Variants in PTPRT observed in about 807,000 individuals in gnomAD.
PTPRT encodes protein tyrosine phosphatase receptor type T.
Under a neutral mutation model 176.8 loss-of-function variants are expected in PTPRT, and 56 were observed. The ratio of observed to expected loss-of-function variants is 0.32; its 90% CI spans 0.26 to 0.40. PTPRT has a LOEUF of 0.40. Among genes scored for constraint, PTPRT ranks in the 10% least tolerant of loss-of-function variants. PTPRT has a pLI of 1.00. For synonymous variants in PTPRT, 783 were observed against 739.0 expected (o/e 1.06, Z -0.96); for missense variants, 1,540 against 1,908.2 (o/e 0.81, Z 3.60).
At chr20:43,091,252 C>A (rs988707883) in intron 1 of PTPRT, among the ~76,000 whole-genome samples, 1 of 152,090 alleles carries the variant, frequency 6.6e-6, no homozygotes, top group South Asian at 2.1e-4. Context: ...ACCCTGAAAT[C>A]TTCCAATGTA....
intron 7 of PTPRT, among the ~76,000 whole-genome samples, chr20:42,590,667 C>G (rs1013030): frequency 0.19 from 28,663 of 151,970 alleles, 3,305 homozygotes; most frequent in Non-Finnish European, 0.27. Context: ...TTAATTGAGT[C>G]TTCAGAAGGA....
chr20:42,799,818 G>T (rs1057017743), intron 2 of PTPRT, among the ~76,000 whole-genome samples: 8 of 152,114 alleles, frequency 5.3e-5, no homozygotes, highest in Non-Finnish European at 8.8e-5. Flanking sequence ...TACAGGTAGA[G>T]GTTTTAAAGT....
At chr20:42,850,355 C>A (rs1334004935) in intron 2 of PTPRT, among the ~76,000 whole-genome samples, 1 of 152,182 alleles carries the variant, frequency 6.6e-6, no homozygotes, top group African/African-American at 2.4e-5. Flanking sequence ...TCTTCTGAAG[C>A]CCTCCAATTA....
In PTPRT at chr20:42,077,960, CT is replaced by C; in HGVS notation, c.*2918del. ...AAATCTTAGGATTTGTGTTAAATAG[CT>C]CTCCCTCCACCCTCATCCTGTCTGG... On this transcript the variant is annotated 3_prime_UTR_variant, in exon 31 of 31. Coordinates refer to ENST00000373187, the MANE Select transcript of PTPRT (RefSeq NM_007050.6). 5.1e-6 allele frequency: 1 copy of C among 197,390 alleles called. No homozygotes were observed. The highest frequency in any genetic ancestry group is 1.1e-5 in the Non-Finnish European group (1 of 95,210). The allele number at this position is 197,390 out of a possible 1,614,324, so 12.2% of individuals were successfully genotyped here. A position where few individuals can be genotyped will look rare whatever the true frequency, so the allele number is the denominator to read the frequency against.
chr20:42,645,559 A>G (rs1180033051), intron 7 of PTPRT, among the ~76,000 whole-genome samples: 2 of 152,108 alleles, frequency 1.3e-5, no homozygotes, highest in Non-Finnish European at 2.9e-5. Context: ...AGGGAACCCA[A>G]CATAACACAT....
At chr20:42,405,820 G>A (rs2058955935) in intron 9 of PTPRT, among the ~76,000 whole-genome samples, 1 of 152,158 alleles carries the variant, frequency 6.6e-6, no homozygotes, top group African/African-American at 2.4e-5. Flanking sequence ...CAGTGTAAAA[G>A]TGTTCCTATT....
intron 17 of PTPRT, among the ~76,000 whole-genome samples, chr20:42,145,508 A>AGAT (rs1202478196): frequency 1.3e-4 from 20 of 149,220 alleles, no homozygotes; most frequent in African/African-American, 3.9e-4. Flanking sequence ...ATAGATAGAT[A>AGAT]GATAGATAGA....
chr20:42,490,217 AT>A (rs1206110032), intron 7 of PTPRT, among the ~76,000 whole-genome samples: 2 of 152,030 alleles, frequency 1.3e-5, no homozygotes, highest in East Asian at 1.9e-4. Context: ...GACTACTATG[AT>A]TTTTCCCCTC....
chr20:42,857,113 G>A (rs1350795957), intron 2 of PTPRT, among the ~76,000 whole-genome samples: 1 of 152,176 alleles, frequency 6.6e-6, no homozygotes, highest in African/African-American at 2.4e-5. Flanking sequence ...ATTCCCATCG[G>A]CAATGTACAA....
chr20:42,551,399 A>G (rs949605544), intron 7 of PTPRT, among the ~76,000 whole-genome samples: 2 of 152,198 alleles, frequency 1.3e-5, no homozygotes, highest in African/African-American at 2.4e-5. Flanking sequence ...ACAAATTTCA[A>G]TAATTATCTT....
At chr20:42,139,559 G>T (rs893902283) in intron 18 of PTPRT, among the ~76,000 whole-genome samples, 1 of 152,200 alleles carries the variant, frequency 6.6e-6, no homozygotes, top group Non-Finnish European at 1.5e-5. Flanking sequence ...AGAAGCTGGG[G>T]TATTTCATGG....
chr20:42,357,354 T>C (rs2058372044), intron 9 of PTPRT, among the ~76,000 whole-genome samples: 1 of 152,238 alleles, frequency 6.6e-6, no homozygotes, highest in African/African-American at 2.4e-5. Context: ...ACCTCTGTAC[T>C]AGACTTTAAG....
intron 7 of PTPRT, among the ~76,000 whole-genome samples, chr20:42,673,768 T>G (rs571745611): frequency 3.9e-5 from 6 of 152,294 alleles, no homozygotes; most frequent in African/African-American, 1.2e-4. Context: ...AACATATGAA[T>G]TTTAAAGGAA....
chr20:43,172,675 C>T (rs1184030240), intron 1 of PTPRT, among the ~76,000 whole-genome samples: 1 of 152,156 alleles, frequency 6.6e-6, no homozygotes, highest in East Asian at 1.9e-4. Flanking sequence ...TGGCTCCTTG[C>T]TAAGCATTTG....
chr20:42,401,366 C>T (rs570441102), intron 9 of PTPRT, among the ~76,000 whole-genome samples: 9 of 151,862 alleles, frequency 5.9e-5, no homozygotes, highest in Non-Finnish European at 7.4e-5. Context: ...GCAGGGGTTA[C>T]GGAGTTAGGT....
chr20:43,084,523 G>A (rs1440717210), intron 1 of PTPRT, among the ~76,000 whole-genome samples: 1 of 152,110 alleles, frequency 6.6e-6, no homozygotes, highest in African/African-American at 2.4e-5. Context: ...GAACAGCATG[G>A]GGGAAACCGC....
intron 13 of PTPRT, 85 bp downstream of exon 13, chr20:42,282,404 T>G: frequency 1.5e-6 from 2 of 1,350,334 alleles, no homozygotes; most frequent in Non-Finnish European, 1.0e-6. Context: ...GAGTTACTGT[T>G]GCCTAATCTT....
chr20:42,516,259 A>G (rs1418718348), intron 7 of PTPRT, among the ~76,000 whole-genome samples: 1 of 151,734 alleles, frequency 6.6e-6, no homozygotes, highest in Non-Finnish European at 1.5e-5. Context: ...TATAATAAAA[A>G]AATAAATTAA....
rs546065235 is a variant in PTPRT, at chr20:42,231,720, C to T, written c.2342+4509G>A. ...CTGCTTGGTTTTTAAAAATTAAGTT[C>T]TACTGGAACACAGCCACACTCATTC... is the stretch of plus-strand genomic sequence containing the variant. On this transcript the variant is annotated intron_variant, in intron 15 of 30. Coordinates refer to ENST00000373187, the MANE Select transcript of PTPRT (RefSeq NM_007050.6). Among the ~76,000 whole-genome samples, 10 of 152,270 alleles carry T rather than the reference C, an allele frequency of 6.6e-5. No individual in the cohort carries two copies. In the South Asian group the frequency reaches 2.1e-3, roughly 32 times the overall value.
Sources: gnomAD v4.1 joint callset for allele counts (sites outside exome capture counted in the v4.1 genomes callset) on GRCh38, gnomAD v4.1.1 for gene constraint, MANE v1.5 for transcripts, NCBI Gene and HGNC (gene_info 2026-07-23, HGNC 2026-07-21) for gene names.